IPO9: variants seen among roughly 807,000 people sequenced by gnomAD.
The protein encoded by IPO9 is importin-9.
IPO9 carries 28 observed loss-of-function variants against 128.6 expected under a neutral mutation model. The ratio of observed to expected loss-of-function variants is 0.22; its 90% CI spans 0.16 to 0.30. The LOEUF (loss-of-function observed/expected upper bound fraction) is 0.30, where lower values mean the gene tolerates loss of function less well. Ranked by LOEUF, IPO9 falls within the 10% of genes least tolerant of loss-of-function variation. The pLI is 1.00. For missense variants in IPO9, 935 were observed against 1,293.9 expected (o/e 0.72, Z 4.26); for synonymous variants, 455 against 475.8 (o/e 0.96, Z 0.57).
intron 4 of IPO9, 60 bp from the exon 5 acceptor site, chr1:201,852,044 C>A: frequency 9.3e-7 from 1 of 1,079,872 alleles, no homozygotes; most frequent in Non-Finnish European, 1.4e-6. Context: ...GAAAATATCA[C>A]ACTTAATATC....
rs1424235995 is a variant in IPO9 at position 201,855,914 on chromosome 1, A to G, written c.1102A>G (p.Met368Val). Reference sequence around the variant, plus strand: ...ATTGATTTATTATATTATCCTGTACATGCAAATCACTGAGGAGCAGGTAAA... The same window carrying G: ...ATTGATTTATTATATTATCCTGTACGTGCAAATCACTGAGGAGCAGGTAAA... Reference protein sequence around the residue: ...PELIYYIILYMQITEEQIKVW... With the variant: ...PELIYYIILYVQITEEQIKVW... Residue 368 changes from methionine (M) to valine (V), a missense_variant, in exon 10 of 24, where the codon ATG becomes GTG. This residue lies in a region of IPO9 where 741 missense variants were observed against 1,019.1 expected (regional missense o/e 0.73). Coordinates refer to ENST00000361565, the MANE Select transcript of IPO9 (RefSeq NM_018085.5). 36 of 1,591,680 alleles carry G rather than the reference A, an allele frequency of 2.3e-5. No individual in the cohort carries two copies. The highest frequency in any genetic ancestry group is 2.6e-5 in the Non-Finnish European group (31 of 1,174,192).
At chr1:201,841,430 C>T (rs751474264) in intron 1 of IPO9, among the ~76,000 whole-genome samples, 1 of 152,100 alleles carries the variant, frequency 6.6e-6, no homozygotes, top group African/African-American at 2.4e-5. Flanking sequence ...GAATGAACCT[C>T]GAGGTTTGGA....
At chr1:201,868,441 A>C (rs1192250776) in intron 15 of IPO9, among the ~76,000 whole-genome samples, 1 of 152,158 alleles carries the variant, frequency 6.6e-6, no homozygotes, top group East Asian at 1.9e-4. Context: ...ACTTTAATGA[A>C]GCCATACAAA....
At position 201,853,066 on chromosome 1, in the gene IPO9, A is replaced by G. The variant is rs759967942; in HGVS notation, c.659A>G (p.His220Arg). ...RAVEIFTTCAHMICNMEELEK... is the reference protein window; with the variant it reads ...RAVEIFTTCARMICNMEELEK... ...GTGGAGATTTTTACCACTTGTGCCC[A>G]TATGATCTGTAACATGGAGGAGCTG... is the stretch of plus-strand genomic sequence containing the variant. The change falls in exon 6 of 24, where the codon CAT (histidine) becomes CGT (arginine). Residue 220 changes from histidine to arginine, a missense_variant. His to Arg is a conservative substitution (Grantham distance 29). Transcript: ENST00000361565. 15 of 1,614,002 alleles carry G rather than the reference A, an allele frequency of 9.3e-6. No individual in the cohort carries two copies. Among genetic ancestry groups the G allele is most frequent in the African/African-American group, 8.0e-5 (6 of 74,894 alleles).
rs116281825 is a variant in IPO9, at chr1:201,863,409, T to G, written c.1469-39T>G. 9,850 of 1,506,892 alleles carry G rather than the reference T, an allele frequency of 6.5e-3. 41 individuals carry two copies. The highest frequency in any genetic ancestry group is 0.014 in the Middle Eastern group (67 of 4,626). The allele number at this position is 1,506,892 out of a possible 1,614,324, so 93.3% of individuals were successfully genotyped here. ...AGAGAAAGAACAAGTAAAAGGAATT[T>G]TCATTTTCCAGCCCCTAATTGTTCT... On this transcript the variant is annotated intron_variant, in intron 13 of 23. Transcript: ENST00000361565.
intron 11 of IPO9, 41 bp downstream of exon 11, chr1:201,857,235 G>A (rs1289762666): frequency 2.3e-6 from 3 of 1,298,536 alleles, no homozygotes; most frequent in African/African-American, 2.9e-5. Context: ...ATTTCTATCA[G>A]TCACTTGAGC....
At chr1:201,872,620 A>G (rs1473785496) in intron 19 of IPO9, among the ~76,000 whole-genome samples, 1 of 151,910 alleles carries the variant, frequency 6.6e-6, no homozygotes, top group Non-Finnish European at 1.5e-5. Context: ...AACAACAACA[A>G]CAACAACAAC....
intron 14 of IPO9, among the ~76,000 whole-genome samples, chr1:201,865,096 A>G (rs951076839): frequency 3.3e-5 from 5 of 151,658 alleles, no homozygotes; most frequent in Non-Finnish European, 7.4e-5. Context: ...ATCATTAGCT[A>G]TCTTTCTTTC....
intron 1 of IPO9, among the ~76,000 whole-genome samples, chr1:201,841,366 T>C (rs1680032775): frequency 6.6e-6 from 1 of 152,154 alleles, no homozygotes; most frequent in South Asian, 2.1e-4. Flanking sequence ...GTATAGATGA[T>C]GAGAGCCAAG....
rs913461532 is a variant in IPO9 at position 201,882,844 on chromosome 1, T to G, written c.*6790T>G. 2.0e-5 allele frequency: 3 copies of G among 152,652 alleles called. No homozygotes were observed. Among genetic ancestry groups the G allele is most frequent in the African/African-American group, 7.2e-5 (3 of 41,456 alleles). 9.5% of individuals were successfully genotyped at this position (152,652 alleles called of 1,614,324 possible). A position where few individuals can be genotyped will look rare whatever the true frequency, so the allele number is the denominator to read the frequency against. On this transcript the variant is annotated 3_prime_UTR_variant, in exon 24 of 24. Transcript: ENST00000361565. The stretch of plus-strand genomic sequence containing the variant: ...ACAGGATTGTAGTTAGAATTAAGGA[T>G]GACTTCATTAAAGCACCTCTAGTGG...
chr1:201,834,620 A>G (rs1679892460), intron 1 of IPO9, among the ~76,000 whole-genome samples: 1 of 152,222 alleles, frequency 6.6e-6, no homozygotes, highest in Non-Finnish European at 1.5e-5. Context: ...GCCAGCATGC[A>G]CAGACTTTCT....
At chr1:201,865,220 TTTCTG>T (rs1161020831) in intron 14 of IPO9, among the ~76,000 whole-genome samples, 20 of 150,452 alleles carry the variant, frequency 1.3e-4, no homozygotes, top group Non-Finnish European at 2.7e-4. Context: ...TTTTTTTTCT[TTTCTG>T]AGACGGAGTC....
chr1:201,857,237 C>T (rs1322559822), intron 11 of IPO9, 43 bp downstream of exon 11: 7 of 1,288,050 alleles, frequency 5.4e-6, no homozygotes, highest in South Asian at 1.2e-5. Context: ...TTCTATCAGT[C>T]ACTTGAGCAT....
chr1:201,869,103 T>C (rs1680605799), intron 16 of IPO9, among the ~76,000 whole-genome samples: 1 of 151,980 alleles, frequency 6.6e-6, no homozygotes, highest in South Asian at 2.1e-4. Context: ...ATACAAAAAT[T>C]AGCCGGGCAT....
rs777454529 is a variant in IPO9 at position 201,829,247 on chromosome 1, T to C, written c.38T>C (p.Leu13Pro). ...AAAAAGAASGLPGPVAQGLKE... is the reference protein window; with the variant it reads ...AAAAAGAASGPPGPVAQGLKE... ...GCGGCAGCTGGTGCGGCCTCCGGGC[T>C]GCCGGGTCCAGTGGCACAAGGATTA... The change falls in exon 1 of 24, where the codon CTG (leucine) becomes CCG (proline). Residue 13 changes from leucine (L) to proline (P), a missense_variant. By Grantham distance (98) the Leu-to-Pro change is moderately conservative. Coordinates refer to ENST00000361565, the MANE Select transcript of IPO9 (RefSeq NM_018085.5). 2.5e-6 allele frequency: 4 copies of C among 1,581,594 alleles called. No homozygotes were observed. The South Asian group carries it at 4.6e-5, about 18-fold the overall frequency.
chr1:201,865,586 C>T (rs1680537896), intron 14 of IPO9, among the ~76,000 whole-genome samples: 1 of 151,964 alleles, frequency 6.6e-6, no homozygotes, highest in Admixed American at 6.6e-5. Context: ...TTTCTTTAGC[C>T]CCAGTTTTAA....
At chr1:201,868,615 C>T (rs1258313761) in intron 15 of IPO9, 33 bp from the exon 16 acceptor site, 2 of 1,596,428 alleles carry the variant, frequency 1.3e-6, no homozygotes, top group South Asian at 1.1e-5. Context: ...GACCATCAGG[C>T]AGGGGGATTC....
intron 1 of IPO9, among the ~76,000 whole-genome samples, chr1:201,832,432 T>C (rs1679852662): frequency 6.6e-6 from 1 of 152,140 alleles, no homozygotes; most frequent in African/African-American, 2.4e-5. Context: ...CTAATTTTTG[T>C]ATTTTTAGCA....
Position 201,858,502 on chromosome 1 carries a change from C to T in IPO9, c.1277C>T (p.Thr426Ile). ...GCAGCAGCCCTGGCTGCTGCAGCCA[C>T]TCGACATTTACAAGAAGCTGAGCAA... ...ESAAALAAAA[T>I]RHLQEAEQTK... Residue 426 changes from threonine (T) to isoleucine (I), a missense_variant, in exon 12 of 24, where the codon ACT becomes ATT. Coordinates refer to ENST00000361565, the MANE Select transcript of IPO9 (RefSeq NM_018085.5). 1 of 1,596,724 alleles carries T rather than the reference C, an allele frequency of 6.3e-7. No individual in the cohort carries two copies. The highest frequency in any genetic ancestry group is 8.5e-7 in the Non-Finnish European group (1 of 1,171,894).
Sources: allele counts gnomAD v4.1 joint callset (sites outside exome capture counted in the v4.1 genomes callset), GRCh38; gene constraint gnomAD v4.1.1; regional missense constraint gnomAD v4.1.1; transcripts MANE v1.5; gene names NCBI Gene and HGNC (gene_info 2026-07-23, HGNC 2026-07-21).